RCC1: variants seen among roughly 807,000 people sequenced by gnomAD.
The protein encoded by RCC1 is regulator of chromosome condensation 1.
RCC1 carries 11 observed loss-of-function variants against 44.4 expected under a neutral mutation model. That is an observed-to-expected ratio of 0.25 (90% CI 0.16 to 0.41). The LOEUF is 0.41. Ranked by LOEUF, RCC1 falls within the 10% of genes least tolerant of loss-of-function variation. RCC1 has a pLI of 1.00. For synonymous variants in RCC1, 213 were observed against 216.5 expected, an observed-to-expected ratio of 0.98 and a Z score of 0.14; for missense variants, 386 against 547.1, an observed-to-expected ratio of 0.71 and a Z score of 2.94.
chr1:28,507,885 C>A, intron 1 of RCC1: 1 of 304,672 alleles, frequency 3.3e-6, no homozygotes, highest in Non-Finnish European at 6.5e-6. Context: ...GGATTACAGG[C>A]GTGAGCCACC....
At chr1:28,513,759 A>AT (rs1662700175) in intron 3 of RCC1, among the ~76,000 whole-genome samples, 1 of 151,526 alleles carries the variant, frequency 6.6e-6, no homozygotes, top group African/African-American at 2.4e-5. Context: ...TAAATTTTGT[A>AT]TTTTTTGTAG....
In RCC1 at chr1:28,508,176, A is replaced by G. The variant is rs1449173994; in HGVS notation, c.-229+16A>G. ...CTCTTATTTGGTGAGTAAATCTGCT[A>G]ATTGTTTTTTGCTTATCAGCTCTTT... is the stretch of plus-strand genomic sequence containing the variant. On this transcript the variant is annotated intron_variant, in intron 2 of 12. Coordinates refer to ENST00000683442, the MANE Select transcript of RCC1 (RefSeq NM_001381865.2). The G allele has an allele frequency of 1.4e-5, 6 of 441,980 alleles. No homozygotes were observed. The highest frequency in any genetic ancestry group is 9.5e-5 in the South Asian group (6 of 63,348). 27.4% of individuals were successfully genotyped at this position (441,980 alleles called of 1,614,324 possible). A position where few individuals can be genotyped will look rare whatever the true frequency, so the allele number is the denominator to read the frequency against.
chr1:28,537,786 G>A (rs772686821), intron 12 of RCC1, 46 bp from the exon 13 acceptor site: 7 of 1,563,018 alleles, frequency 4.5e-6, no homozygotes, highest in African/African-American at 1.4e-5. Flanking sequence ...CAGAAAGGTG[G>A]GCTGGGGATC....
chr1:28,507,468 C>T (rs760136510), intron 1 of RCC1: 30 of 519,020 alleles, frequency 5.8e-5, no homozygotes, highest in Middle Eastern at 3.2e-4. Context: ...CTTTCCACAA[C>T]GTTGGAAATA....
At chr1:28,513,082 T>A (rs983664098) in intron 3 of RCC1, among the ~76,000 whole-genome samples, 1 of 151,712 alleles carries the variant, frequency 6.6e-6, no homozygotes, top group Non-Finnish European at 1.5e-5. Context: ...CTCTTTTTTT[T>A]TTTTAGACAA....
intron 3 of RCC1, among the ~76,000 whole-genome samples, chr1:28,516,240 G>C (rs542471835): frequency 1.3e-5 from 2 of 152,200 alleles, no homozygotes; most frequent in Non-Finnish European, 2.9e-5. Context: ...AAGGCTGGGC[G>C]CGGAGGCTCA....
chr1:28,535,751 G>A (rs1664507405), intron 9 of RCC1, 120 bp from the exon 10 acceptor site: 5 of 1,079,706 alleles, frequency 4.6e-6, no homozygotes, highest in Non-Finnish European at 7.0e-6. Flanking sequence ...TATAAAATAG[G>A]GATAAGAGTC....
At position 28,536,038 on chromosome 1, in the gene RCC1, G is replaced by C. The variant is rs1206924213; in HGVS notation, c.817+12G>C. On this transcript the variant is annotated intron_variant, in intron 10 of 12. Transcript: ENST00000683442. This position sits in a 1 kb window ranked among gnomAD's most constrained non-coding sequence, Gnocchi z 4.9. The stretch of plus-strand genomic sequence containing the variant: ...CTACCATCAGCTTGGTGAGCCCCGA[G>C]CCCAGCTTCAGGCATGACCCAGTGG... 6.3e-7 allele frequency: 1 copy of C among 1,599,326 alleles called. No homozygotes were observed. The highest frequency in any genetic ancestry group is 1.3e-5 in the African/African-American group (1 of 74,564).
intron 4 of RCC1, among the ~76,000 whole-genome samples, chr1:28,522,710 G>C (rs1663361548): frequency 6.6e-6 from 1 of 151,954 alleles, no homozygotes; most frequent in African/African-American, 2.4e-5. Context: ...AGCTACTCTG[G>C]AGGCTGAGGC....
chr1:28,526,955 C>T (rs1663705361), intron 4 of RCC1: 1 of 867,134 alleles, frequency 1.2e-6, no homozygotes, highest in Non-Finnish European at 2.0e-6. Flanking sequence ...CAAATATTTC[C>T]CCTCAAAGTC....
At chr1:28,516,941 C>T (rs188910769) in intron 4 of RCC1, 74 bp downstream of exon 4, 9 of 442,702 alleles carry the variant, frequency 2.0e-5, no homozygotes, top group African/African-American at 8.1e-5. Context: ...GCCAACATGG[C>T]GAAACCCAGT....
At chr1:28,527,213 C>T in intron 4 of RCC1, 1 of 875,520 alleles carries the variant, frequency 1.1e-6, no homozygotes, top group Non-Finnish European at 1.9e-6. Context: ...AGTAACCTTC[C>T]CACAGCAGCC....
rs866772108 is a variant in RCC1 at position 28,538,336 on chromosome 1, A to G, written c.*329A>G. On this transcript the variant is annotated 3_prime_UTR_variant, in exon 13 of 13. Transcript: ENST00000683442. ...CTGGCTTTGCCTACTAGAAAACCAA[A>G]ACTTCCCCCCTGGGGTTTTGTGCCC... 1.6e-5 allele frequency: 3 copies of G among 185,848 alleles called. No homozygotes were observed. The highest frequency in any genetic ancestry group is 7.1e-5 in the African/African-American group (3 of 42,374). The allele number at this position is 185,848 out of a possible 1,614,324, so 11.5% of individuals were successfully genotyped here. A position where few individuals can be genotyped will look rare whatever the true frequency, so the allele number is the denominator to read the frequency against.
Position 28,532,324 on chromosome 1 carries a change from C to T in RCC1, c.415C>T (p.Arg139Cys), listed in dbSNP as rs772755509. The part of the protein sequence containing the change: ...SHTAALTDDG[R>C]VFLWGSFRDN... The stretch of plus-strand genomic sequence containing the variant: ...CACAGCAGCCCTCACCGATGATGGC[C>T]GTGTCTTCCTCTGGGGCTCCTTCCG... Residue 139 changes from arginine to cysteine, a missense_variant, in exon 7 of 13, where the codon CGT (arginine) becomes TGT (cysteine). Coordinates refer to ENST00000683442, the MANE Select transcript of RCC1 (RefSeq NM_001381865.2). 4.0e-5 allele frequency: 65 copies of T among 1,613,960 alleles called. 1 individual carries two copies. Among genetic ancestry groups the T allele is most frequent in the Middle Eastern group, 3.3e-4 (2 of 6,082 alleles).
chr1:28,530,224 C>T (rs564852388), intron 5 of RCC1, among the ~76,000 whole-genome samples: 8 of 152,106 alleles, frequency 5.3e-5, no homozygotes, highest in Middle Eastern at 6.9e-3. Context: ...ATGGTTAGGA[C>T]CACTGACTTT....
chr1:28,525,647 C>G (rs976728022), intron 4 of RCC1, among the ~76,000 whole-genome samples: 1 of 152,170 alleles, frequency 6.6e-6, no homozygotes, highest in South Asian at 2.1e-4. Flanking sequence ...GGGTGAAGTT[C>G]AGAACTGCCA....
In RCC1 at chr1:28,506,101, G is replaced by T; in HGVS notation, c.-262+17G>T. ...TTCTCCTTGGTAAGTGTGATCCTTG[G>T]TAAGTGTGATCAGATGCTTGCCACC... On this transcript the variant is annotated intron_variant, in intron 1 of 12. Coordinates refer to ENST00000683442, the MANE Select transcript of RCC1 (RefSeq NM_001381865.2). The T allele has an allele frequency of 2.2e-6, 1 of 455,860 alleles. No homozygotes were observed. The highest frequency in any genetic ancestry group is 2.0e-5 in the African/African-American group (1 of 50,144). 28.2% of individuals were successfully genotyped at this position (455,860 alleles called of 1,614,324 possible).
chr1:28,514,258 G>A (rs892644595), intron 3 of RCC1, among the ~76,000 whole-genome samples: 4 of 151,730 alleles, frequency 2.6e-5, no homozygotes, highest in Non-Finnish European at 5.9e-5. Context: ...AGACCGTCTT[G>A]GCTAACACGG....
chr1:28,515,150 C>T (rs1006383636), intron 3 of RCC1, among the ~76,000 whole-genome samples: 1 of 151,864 alleles, frequency 6.6e-6, no homozygotes, highest in Non-Finnish European at 1.5e-5. Context: ...ATTAGCTGGA[C>T]GTGGTGGTGC....
Sources: gnomAD v4.1 joint callset for allele counts (sites outside exome capture counted in the v4.1 genomes callset) on GRCh38, gnomAD v4.1.1 for gene constraint, Gnocchi (gnomAD v3.1) non-coding constraint, MANE v1.5 for transcripts, NCBI Gene and HGNC (gene_info 2026-07-23, HGNC 2026-07-21) for gene names.